Variants in FAM13A observed in about 807,000 individuals in gnomAD.
FAM13A encodes the protein family with sequence similarity 13 member A.
In FAM13A, 76 loss-of-function variants were observed where a neutral mutation model predicts 129.6. The observed-to-expected ratio is 0.59, with a 90% CI of 0.49 to 0.71. FAM13A has a LOEUF of 0.71. Ranked by LOEUF, FAM13A falls within the 30% of genes least tolerant of loss-of-function variation. FAM13A has a pLI of 0.00. For synonymous variants in FAM13A, 443 were observed against 449.9 expected (o/e 0.98, Z 0.20); for missense variants, 1,108 against 1,249.3 (o/e 0.89, Z 1.70).
chr4:88,789,388 A>G (rs1724640361), intron 9 of FAM13A, among the ~76,000 whole-genome samples: 1 of 152,178 alleles, frequency 6.6e-6, no homozygotes, highest in Non-Finnish European at 1.5e-5. Context: ...ATTCATTTCA[A>G]CTAGTGCTTC....
intron 6 of FAM13A, among the ~76,000 whole-genome samples, chr4:88,862,222 A>T (rs1368560677): frequency 6.6e-6 from 1 of 152,236 alleles, no homozygotes; most frequent in Non-Finnish European, 1.5e-5. Context: ...TTAAGTAATG[A>T]CTGTATAATG....
At chr4:88,751,466 CAT>C (rs1489813334) in intron 14 of FAM13A, among the ~76,000 whole-genome samples, 2 of 152,138 alleles carry the variant, frequency 1.3e-5, no homozygotes, top group Non-Finnish European at 2.9e-5. Context: ...GGGATTAGCA[CAT>C]TTAAGATGCA....
chr4:88,891,444 A>T (rs557509490), intron 6 of FAM13A, among the ~76,000 whole-genome samples: 6 of 152,288 alleles, frequency 3.9e-5, no homozygotes, highest in Admixed American at 3.3e-4. Flanking sequence ...AGAGTAAGAA[A>T]AAAAGAAGAG....
chr4:88,756,803 T>C (rs761720058), intron 14 of FAM13A, among the ~76,000 whole-genome samples: 20 of 151,940 alleles, frequency 1.3e-4, no homozygotes, highest in Admixed American at 3.3e-4. Context: ...AGTGCTATAA[T>C]GTAACTTGGA....
intron 6 of FAM13A, among the ~76,000 whole-genome samples, chr4:88,899,560 T>C (rs1380635273): frequency 1.3e-5 from 2 of 152,106 alleles, no homozygotes; most frequent in African/African-American, 4.8e-5. Context: ...ACTTAGTAAG[T>C]AGGCATTCTA....
intron 6 of FAM13A, among the ~76,000 whole-genome samples, chr4:88,861,161 A>C (rs1450450482): frequency 6.6e-6 from 1 of 151,990 alleles, no homozygotes; most frequent in Admixed American, 6.6e-5. Context: ...CGGGCAAATC[A>C]CCTGAGGTCA....
rs200856475 is a variant in FAM13A, at chr4:88,750,656, A to AAC, written c.1727-20_1727-19insGT. ...ATAGGCTCTGGAAGATAAGGGCAGT[A>AAC]AGATCAGGACTGTTCCTGAAAGAGG... On this transcript the variant is annotated intron_variant, in intron 14 of 23. Transcript: ENST00000264344. 6.5e-7 allele frequency: 1 copy of AAC among 1,550,312 alleles called. No homozygotes were observed. The highest frequency in any genetic ancestry group is 8.7e-7 in the Non-Finnish European group (1 of 1,151,452).
At chr4:88,785,552 A>C (rs1018729774) in intron 10 of FAM13A, among the ~76,000 whole-genome samples, 1 of 152,134 alleles carries the variant, frequency 6.6e-6, no homozygotes, top group Non-Finnish European at 1.5e-5. Context: ...AACTATTTCA[A>C]GCAAGCAGAT....
At chr4:88,786,717 C>T (rs1031048945) in intron 10 of FAM13A, among the ~76,000 whole-genome samples, 35 of 151,664 alleles carry the variant, frequency 2.3e-4, no homozygotes, top group African/African-American at 7.5e-4. Context: ...TTAAACATCT[C>T]GGTGAGGTAT....
chr4:89,007,631 G>A (rs1765226963), intron 3 of FAM13A, among the ~76,000 whole-genome samples: 1 of 152,114 alleles, frequency 6.6e-6, no homozygotes, highest in Non-Finnish European at 1.5e-5. Flanking sequence ...ACTAAATTTT[G>A]GAGTCATTGT....
At chr4:88,929,076 C>T (rs1253415252) in intron 5 of FAM13A, among the ~76,000 whole-genome samples, 4 of 152,028 alleles carry the variant, frequency 2.6e-5, no homozygotes, top group Non-Finnish European at 5.9e-5. Context: ...TAGGGCCAGT[C>T]TAGTGGTGAC....
rs1010777245 is a variant in FAM13A, at chr4:88,893,554, C to T, written c.843+12825G>A. Among the ~76,000 whole-genome samples, 14 of 151,512 alleles carry T rather than the reference C, an allele frequency of 9.2e-5. No homozygotes were observed. The East Asian group carries it at 9.7e-4, about 10-fold the overall frequency. On this transcript the variant is annotated intron_variant, in intron 6 of 23. Coordinates refer to ENST00000264344, the MANE Select transcript of FAM13A (RefSeq NM_014883.4). ...AGGAGAATGGCGTGAACCCAGGAGG[C>T]GGAGCTTGCAGTGAGCCGAGATTGT...
intron 6 of FAM13A, among the ~76,000 whole-genome samples, chr4:88,872,948 C>A (rs1002185348): frequency 5.9e-5 from 9 of 152,278 alleles, no homozygotes; most frequent in African/African-American, 2.2e-4. Flanking sequence ...TCTCTCAAAC[C>A]ACAGTGCAAT....
At chr4:88,862,157 T>C (rs1739592542) in intron 6 of FAM13A, among the ~76,000 whole-genome samples, 2 of 152,236 alleles carry the variant, frequency 1.3e-5, no homozygotes, top group Admixed American at 6.5e-5. Flanking sequence ...AATCATGTAA[T>C]TGCATGCATA....
At chr4:88,819,801 G>A (rs1225502046) in intron 7 of FAM13A, among the ~76,000 whole-genome samples, 1 of 152,102 alleles carries the variant, frequency 6.6e-6, no homozygotes, top group Non-Finnish European at 1.5e-5. Context: ...GCTATAAGTA[G>A]TATGTAAATA....
At chr4:88,864,763 T>G (rs778332956) in intron 6 of FAM13A, among the ~76,000 whole-genome samples, 1 of 152,234 alleles carries the variant, frequency 6.6e-6, no homozygotes, top group Non-Finnish European at 1.5e-5. Context: ...TTTATAAGCA[T>G]GTGCTATTTT....
intron 4 of FAM13A, among the ~76,000 whole-genome samples, chr4:88,971,647 T>A (rs10031518): frequency 0.37 from 56,212 of 151,834 alleles, 10,460 homozygotes; most frequent in Middle Eastern, 0.51. Flanking sequence ...GCTGGGACTA[T>A]AAGAACACAC....
intron 6 of FAM13A, among the ~76,000 whole-genome samples, chr4:88,859,547 G>C (rs1739131828): frequency 6.6e-6 from 1 of 152,198 alleles, no homozygotes; most frequent in South Asian, 2.1e-4. Context: ...GTGTGAAGCG[G>C]TGAAGGAAGT....
chr4:88,800,134 G>T (rs564548317), intron 8 of FAM13A, among the ~76,000 whole-genome samples: 2 of 152,268 alleles, frequency 1.3e-5, no homozygotes, highest in African/African-American at 4.8e-5. Flanking sequence ...AATGGTGGTT[G>T]CCAGGGGATA....
Sources: allele counts gnomAD v4.1 joint callset (sites outside exome capture counted in the v4.1 genomes callset), GRCh38; gene constraint gnomAD v4.1.1; transcripts MANE v1.5; gene names NCBI Gene and HGNC (gene_info 2026-07-23, HGNC 2026-07-21).